Variants in ANXA4 observed in about 807,000 individuals in gnomAD.
ANXA4 encodes 35-beta calcimedin.
A neutral mutation model predicts 49.8 loss-of-function variants in ANXA4; 39 were observed. The observed-to-expected ratio is 0.78, with a 90% CI of 0.61 to 1.02. The LOEUF (loss-of-function observed/expected upper bound fraction) is 1.02. Among genes scored for constraint, ANXA4 ranks in the 50% least tolerant of loss-of-function variants. The probability of loss-of-function intolerance (pLI) is 0.00; values close to 1 mark genes in which losing one functional copy is unlikely to be tolerated. For missense variants in ANXA4, 360 were observed against 410.1 expected, an observed-to-expected ratio of 0.88 and a Z score of 1.05; for synonymous variants, 134 against 152.5, an observed-to-expected ratio of 0.88 and a Z score of 0.89.
At chr2:69,720,838 T>G (rs1272488654) in exon 3 of ANXA4, 3 of 152,126 alleles carry the variant, frequency 2.0e-5, no homozygotes, top group Non-Finnish European at 4.4e-5. Flanking sequence ...TCCTAGAAGA[T>G]ATCTGGTATG....
chr2:69,765,967 G>A (rs946363814), intron 1 of ANXA4, among the ~76,000 whole-genome samples: 1 of 152,192 alleles, frequency 6.6e-6, no homozygotes, highest in Admixed American at 6.5e-5. Flanking sequence ...TTGCAGGCCC[G>A]CTATGTGCAA....
intron 2 of ANXA4, among the ~76,000 whole-genome samples, chr2:69,675,026 G>A (rs765752708): frequency 6.0e-5 from 9 of 150,720 alleles, no homozygotes; most frequent in Non-Finnish European, 5.9e-5. Flanking sequence ...GGGTTCAAGC[G>A]ATTCTCCTGC....
At chr2:69,807,877 A>G (rs1327727390) in intron 5 of ANXA4, 29 bp from the exon 6 acceptor site, 1 of 1,604,342 alleles carries the variant, frequency 6.2e-7, no homozygotes, top group African/African-American at 1.3e-5. Context: ...ACTGGCTCAT[A>G]TAGCCCTGTC....
At chr2:69,805,741 G>A (rs967503567) in intron 4 of ANXA4, among the ~76,000 whole-genome samples, 2 of 152,080 alleles carry the variant, frequency 1.3e-5, no homozygotes, top group African/African-American at 4.8e-5. Context: ...TTACATCGGT[G>A]TCTACAAACA....
intron 2 of ANXA4, chr2:69,674,171 G>GT (rs1407336701): frequency 1.3e-5 from 2 of 152,182 alleles, no homozygotes; most frequent in Non-Finnish European, 2.9e-5. Context: ...GTGTTTGCTG[G>GT]TGCCTGTCCT....
chr2:69,804,653 T>G lies in ANXA4; in HGVS notation c.192+26T>G, dbSNP rs951963579. ...GTAGGCCACAGTCTTTCCTGCTCTG[T>G]CTGGCTGACTTCGCAGCAACAGGAA... On this transcript the variant is annotated intron_variant, in intron 4 of 12. Coordinates refer to ENST00000394295, the MANE Select transcript of ANXA4 (RefSeq NM_001153.5). 5 of 1,586,146 alleles carry G rather than the reference T, an allele frequency of 3.2e-6. No individual in the cohort carries two copies. In the African/African-American group the frequency reaches 6.7e-5, roughly 21 times the overall value.
chr2:69,715,213 A>AT (rs1421844389), intron 2 of ANXA4, among the ~76,000 whole-genome samples: 1 of 152,040 alleles, frequency 6.6e-6, no homozygotes, highest in African/African-American at 2.4e-5. Context: ...ATTTTATTTT[A>AT]TTTATTTATT....
chr2:69,748,236 G>C lies in ANXA4; in HGVS notation c.-47+6061G>C, dbSNP rs147395090. On this transcript the variant is annotated intron_variant, in intron 1 of 12. Coordinates refer to ENST00000394295, the MANE Select transcript of ANXA4 (RefSeq NM_001153.5). Reference sequence around the variant, plus strand: ...TAAAAAAATACAAAAAAAATTAGCCGGGAATGGTGGCGGGTGCCCGTAGGC... The same window carrying C: ...TAAAAAAATACAAAAAAAATTAGCCCGGAATGGTGGCGGGTGCCCGTAGGC... Among the ~76,000 whole-genome samples, 588 of 151,968 alleles carry C rather than the reference G, an allele frequency of 3.9e-3. 6 individuals carry two copies. Among genetic ancestry groups the C allele is most frequent in the African/African-American group, 0.014 (571 of 41,446 alleles).
At chr2:69,733,081 CT>C (rs1364947433) in intron 3 of ANXA4, among the ~76,000 whole-genome samples, 2 of 152,088 alleles carry the variant, frequency 1.3e-5, no homozygotes, top group East Asian at 3.9e-4. Context: ...AAAAAATAGC[CT>C]TTAATAGTAA....
chr2:69,679,467 G>C (rs992671011), intron 2 of ANXA4, among the ~76,000 whole-genome samples: 1 of 152,116 alleles, frequency 6.6e-6, no homozygotes, highest in African/African-American at 2.4e-5. Context: ...TCTTCACTTC[G>C]TTGATTGTTT....
chr2:69,760,735 G>A (rs1219086811), intron 1 of ANXA4, among the ~76,000 whole-genome samples: 1 of 152,112 alleles, frequency 6.6e-6, no homozygotes, highest in Non-Finnish European at 1.5e-5. Flanking sequence ...TTGTGTGCGT[G>A]ATTTAAAGAG....
chr2:69,669,819 A>C (rs895174515), intron 2 of ANXA4, among the ~76,000 whole-genome samples: 25 of 152,084 alleles, frequency 1.6e-4, no homozygotes, highest in African/African-American at 6.0e-4. Flanking sequence ...TGTATACCAA[A>C]TAGTTATCAG....
chr2:69,724,899 C>T (rs959460522), intron 3 of ANXA4, among the ~76,000 whole-genome samples: 9 of 152,186 alleles, frequency 5.9e-5, no homozygotes, highest in Admixed American at 5.9e-4. Context: ...TGGGTTGCAG[C>T]CGCTGTCCGT....
chr2:69,768,577 GC>G (rs1190146096), intron 1 of ANXA4, among the ~76,000 whole-genome samples: 1 of 152,184 alleles, frequency 6.6e-6, no homozygotes, highest in Admixed American at 6.5e-5. Context: ...AGGAAAGTGT[GC>G]CGTTTAGTAA....
intron 1 of ANXA4, among the ~76,000 whole-genome samples, chr2:69,652,333 CT>C (rs1262139192): frequency 1.3e-5 from 2 of 152,072 alleles, no homozygotes; most frequent in Non-Finnish European, 2.9e-5. Flanking sequence ...GCTGTGTTTT[CT>C]TTTTATATGC....
intron 2 of ANXA4, among the ~76,000 whole-genome samples, chr2:69,656,293 ATG>A (rs1676459553): frequency 1.9e-5 from 2 of 104,682 alleles, no homozygotes; most frequent in Non-Finnish European, 3.5e-5. Context: ...ATATACATAT[ATG>A]TATATATATG....
chr2:69,823,711 G>C (rs1207070624), intron 12 of ANXA4, among the ~76,000 whole-genome samples: 1 of 152,172 alleles, frequency 6.6e-6, no homozygotes, highest in African/African-American at 2.4e-5. Flanking sequence ...GCATTCAAAT[G>C]TATAAATAAG....
chr2:69,728,082 A>G (rs73935682), intron 3 of ANXA4, among the ~76,000 whole-genome samples: 6,912 of 152,298 alleles, frequency 0.045, 512 homozygotes, highest in African/African-American at 0.16. Flanking sequence ...CACAATGTCA[A>G]TATACTTTAT....
chr2:69,723,003 T>G (rs1669853968), intron 3 of ANXA4, among the ~76,000 whole-genome samples: 1 of 138,574 alleles, frequency 7.2e-6, no homozygotes, highest in Non-Finnish European at 1.5e-5. Context: ...AAACTCCATC[T>G]CTACTAAAAA....
Sources: gnomAD v4.1 joint callset for allele counts (sites outside exome capture counted in the v4.1 genomes callset) on GRCh38, gnomAD v4.1.1 for gene constraint, MANE v1.5 for transcripts, NCBI Gene and HGNC (gene_info 2026-07-23, HGNC 2026-07-21) for gene names.